The following LRBA variants were observed in gnomAD, a reference collection of about 807,000 sequenced individuals.
LRBA encodes the protein LPS responsive beige-like anchor protein, also known as lipopolysaccharide-responsive and beige-like anchor protein.
LRBA carries 176 observed loss-of-function variants against 330.0 expected under a neutral mutation model. The ratio of observed to expected loss-of-function variants is 0.53; its 90% CI spans 0.47 to 0.60. The LOEUF (loss-of-function observed/expected upper bound fraction) is 0.60, where lower values mean the gene tolerates loss of function less well. Among genes scored for constraint, LRBA ranks in the 20% least tolerant of loss-of-function variants. The pLI is 0.00. For missense variants in LRBA, 3,259 were observed against 3,444.8 expected, an observed-to-expected ratio of 0.95 and a Z score of 1.35; for synonymous variants, 1,230 against 1,193.0, an observed-to-expected ratio of 1.03 and a Z score of -0.64.
chr4:150,684,194 T>G (rs1783311994), intron 36 of LRBA, among the ~76,000 whole-genome samples: 1 of 152,196 alleles, frequency 6.6e-6, no homozygotes, highest in African/African-American at 2.4e-5. Flanking sequence ...AATTTACATA[T>G]TAAAATGATC....
intron 36 of LRBA, among the ~76,000 whole-genome samples, chr4:150,695,860 T>C (rs370006195): frequency 6.6e-6 from 1 of 152,116 alleles, no homozygotes; most frequent in East Asian, 1.9e-4. Context: ...AAAACTAGGG[T>C]CTTTTAGTTG....
chr4:150,372,560 CAA>C (rs70937396), intron 47 of LRBA, among the ~76,000 whole-genome samples: 32,235 of 100,516 alleles, frequency 0.32, 4,227 homozygotes, highest in Middle Eastern at 0.38. Context: ...ATCCCATCTC[CAA>C]AAAAAAAAAA....
chr4:150,868,718 A>G (rs1186540425), intron 20 of LRBA, among the ~76,000 whole-genome samples: 1 of 152,124 alleles, frequency 6.6e-6, no homozygotes, highest in African/African-American at 2.4e-5. Context: ...TGGGTGGATC[A>G]CTTGAGGTCA....
At chr4:150,764,548 A>C (rs1042320214) in intron 34 of LRBA, among the ~76,000 whole-genome samples, 1 of 152,076 alleles carries the variant, frequency 6.6e-6, no homozygotes, top group African/African-American at 2.4e-5. Flanking sequence ...ACATCTGATA[A>C]AGAATTGTGC....
intron 49 of LRBA, among the ~76,000 whole-genome samples, chr4:150,324,781 G>A (rs1021536249): frequency 2.0e-5 from 3 of 152,066 alleles, no homozygotes; most frequent in Admixed American, 1.3e-4. Context: ...AGACTTTGTA[G>A]TTTCTATTCT....
intron 2 of LRBA, among the ~76,000 whole-genome samples, chr4:151,001,752 T>C (rs1743366560): frequency 6.6e-6 from 1 of 152,030 alleles, no homozygotes. Context: ...TCACTGCCAC[T>C]ACCAGAATCA....
chr4:150,969,404 A>T (rs1739272984), intron 2 of LRBA, among the ~76,000 whole-genome samples: 1 of 152,310 alleles, frequency 6.6e-6, no homozygotes, highest in South Asian at 2.1e-4. Flanking sequence ...GAAGAAATGG[A>T]TTCCAGACCC....
intron 52 of LRBA, among the ~76,000 whole-genome samples, chr4:150,309,920 T>C (rs1299104777): frequency 6.6e-6 from 1 of 152,204 alleles, no homozygotes; most frequent in Non-Finnish European, 1.5e-5. Flanking sequence ...CGTAAGATTA[T>C]GCATATACTC....
chr4:150,938,131 T>A (rs187496889), intron 2 of LRBA, among the ~76,000 whole-genome samples: 2 of 151,554 alleles, frequency 1.3e-5, no homozygotes, highest in Admixed American at 1.3e-4. Flanking sequence ...CCTAACTAGA[T>A]ACTTTCTTGT....
In LRBA at chr4:150,850,690, A is replaced by C. The variant is rs375319896; in HGVS notation, c.4004+34T>G. 468 of 1,366,356 alleles carry C rather than the reference A, an allele frequency of 3.4e-4. 3 individuals carry two copies. The African/African-American group carries it at 6.4e-3, about 19-fold the overall frequency. The allele number at this position is 1,366,356 out of a possible 1,614,324, so 84.6% of individuals were successfully genotyped here. Reference sequence around the variant, plus strand: ...TTCTTTGAAAATAAAGACTAGGTTTATACACATCTTCCATAATAAACATAT... The same window carrying C: ...TTCTTTGAAAATAAAGACTAGGTTTCTACACATCTTCCATAATAAACATAT... On this transcript the variant is annotated intron_variant, in intron 24 of 56. Coordinates refer to ENST00000651943, the MANE Select transcript of LRBA (RefSeq NM_001364905.1).
intron 8 of LRBA, among the ~76,000 whole-genome samples, chr4:150,914,792 T>C (rs1732404287): frequency 6.6e-6 from 1 of 152,076 alleles, no homozygotes. Context: ...ATATGAGCCC[T>C]TTTTTGTACT....
In LRBA at chr4:150,850,764, G is replaced by T; in HGVS notation, c.3964C>A (p.Leu1322Ile). 6.2e-7 allele frequency: 1 copy of T among 1,613,262 alleles called. No individual in the cohort carries two copies. Among genetic ancestry groups the T allele is most frequent in the Non-Finnish European group, 8.5e-7 (1 of 1,179,412 alleles). ...SQMHQRLLTDLLFSIETDIQM... is the reference protein window; with the variant it reads ...SQMHQRLLTDILFSIETDIQM... ...ATATCTGTTTCTATTGAAAATAATA[G>T]ATCAGTGAGCAAACGTTGATGCATC... Residue 1322 changes from leucine (L) to isoleucine (I), a missense_variant, in exon 24 of 57, where the codon CTA becomes ATA. By Grantham distance (5) the Leu-to-Ile change is conservative. Transcript: ENST00000651943.
At chr4:150,483,054 C>T (rs1186604279) in intron 42 of LRBA, among the ~76,000 whole-genome samples, 1 of 151,868 alleles carries the variant, frequency 6.6e-6, no homozygotes, top group East Asian at 1.9e-4. Context: ...AAATATTTAC[C>T]TAATTCAAGG....
At chr4:150,477,958 C>CT (rs1445877900) in intron 42 of LRBA, among the ~76,000 whole-genome samples, 1 of 152,064 alleles carries the variant, frequency 6.6e-6, no homozygotes, top group Non-Finnish European at 1.5e-5. Flanking sequence ...CCAGAAAAGA[C>CT]TAATACACTT....
intron 47 of LRBA, among the ~76,000 whole-genome samples, chr4:150,356,752 TA>T (rs1489524891): frequency 6.6e-6 from 1 of 151,934 alleles, no homozygotes; most frequent in African/African-American, 2.4e-5. Context: ...TTTAATAAAC[TA>T]AAATCCATGA....
chr4:150,405,961 G>A (rs1214456495), intron 47 of LRBA, among the ~76,000 whole-genome samples: 1 of 152,100 alleles, frequency 6.6e-6, no homozygotes, highest in East Asian at 1.9e-4. Context: ...AGGCTGTGGT[G>A]AGAAGATCGT....
intron 35 of LRBA, among the ~76,000 whole-genome samples, chr4:150,748,297 G>A (rs1242048990): frequency 1.3e-5 from 2 of 152,056 alleles, no homozygotes; most frequent in African/African-American, 4.8e-5. Flanking sequence ...TTCTTGCCCT[G>A]TATACCAATC....
At chr4:150,986,639 CATCATGCT>C (rs1741496921) in intron 2 of LRBA, among the ~76,000 whole-genome samples, 2 of 152,142 alleles carry the variant, frequency 1.3e-5, no homozygotes, top group Non-Finnish European at 2.9e-5. Context: ...AAATCAAAGC[CATCATGCT>C]AATTTTTGTC....
chr4:151,014,462 A>G lies in LRBA; in HGVS notation c.181T>C (p.Ser61Pro), dbSNP rs1561134738. The G allele has an allele frequency of 9.3e-6, 15 of 1,614,170 alleles. No individual in the cohort carries two copies. Among genetic ancestry groups the G allele is most frequent in the Non-Finnish European group, 1.2e-5 (14 of 1,180,008 alleles). Residue 61 changes from serine to proline, a missense_variant, in exon 2 of 57, where the codon TCC becomes CCC. Coordinates refer to ENST00000651943, the MANE Select transcript of LRBA (RefSeq NM_001364905.1). ...LTGLVEVGEV[S>P]NRDIVETVFN... ...ACAGTTTCTACAATATCCCTATTGG[A>G]TACTTCTCCAACTTCAACCAAACCG...
Sources: allele counts gnomAD v4.1 joint callset (sites outside exome capture counted in the v4.1 genomes callset), GRCh38; gene constraint gnomAD v4.1.1; transcripts MANE v1.5; gene names NCBI Gene and HGNC (gene_info 2026-07-23, HGNC 2026-07-21).